DNMT3A: variants seen among roughly 807,000 people sequenced by gnomAD.
The protein encoded by DNMT3A is DNA (cytosine-5)-methyltransferase 3A.
DNMT3A carries 267 observed loss-of-function variants against 117.6 expected under a neutral mutation model. The observed-to-expected ratio is 2.27, with a 90% CI of 2.05 to 2.51. The LOEUF (loss-of-function observed/expected upper bound fraction) is 2.51, where lower values mean the gene tolerates loss of function less well. Among genes scored for constraint, DNMT3A ranks in the 30% most tolerant of loss-of-function variants. The pLI is 0.00. For missense variants in DNMT3A, 1,029 were observed against 1,260.2 expected (o/e 0.82, Z 2.78); for synonymous variants, 432 against 474.8 (o/e 0.91, Z 1.17).
chr2:25,273,685 T>C (rs1185344618), intron 6 of DNMT3A, among the ~76,000 whole-genome samples: 2 of 152,214 alleles, frequency 1.3e-5, no homozygotes, highest in South Asian at 2.1e-4. Flanking sequence ...CCTCTCTGCA[T>C]GGCTGAAGCC....
chr2:25,276,674 T>C (rs1270773529), intron 4 of DNMT3A, among the ~76,000 whole-genome samples: 1 of 152,162 alleles, frequency 6.6e-6, no homozygotes, highest in Non-Finnish European at 1.5e-5. Flanking sequence ...CTGCCTCCCA[T>C]AGCTTCTTGC....
In DNMT3A at chr2:25,260,473, T is replaced by G. The variant is rs182396248; in HGVS notation, c.640-12221A>C. 8.0e-5 allele frequency among the ~76,000 whole-genome samples: 12 copies of G among 149,616 alleles called. No homozygotes were observed. In the South Asian group the frequency reaches 8.4e-4, roughly 11 times the overall value. ...TATAAGCAAGCTCACTCAATTTTTG[T>G]TTTTTTTTGCCCCACAAAGCTGCCT... On this transcript the variant is annotated intron_variant, in intron 6 of 22. Transcript: ENST00000321117.
intron 6 of DNMT3A, among the ~76,000 whole-genome samples, chr2:25,269,311 A>G (rs764316756): frequency 6.6e-6 from 1 of 152,248 alleles, no homozygotes; most frequent in South Asian, 2.1e-4. Flanking sequence ...CCTGGGAGAC[A>G]GAGTGAAACT....
Position 25,234,468 on chromosome 2 carries a change from G to A in DNMT3A, c.2598-48C>T. 4.4e-6 allele frequency: 7 copies of A among 1,574,852 alleles called. No individual in the cohort carries two copies. Among genetic ancestry groups the A allele is most frequent in the Non-Finnish European group, 6.1e-6 (7 of 1,155,818 alleles). ...GGCAGGGTGAGTGCTGGCCAGACCAGGCTGCCCGGAAGCCGTCTAACCACA... is the reference window on the plus strand; with the variant it reads ...GGCAGGGTGAGTGCTGGCCAGACCAAGCTGCCCGGAAGCCGTCTAACCACA... On this transcript the variant is annotated intron_variant, in intron 22 of 22. Transcript: ENST00000321117. The surrounding 1 kb of genome is among the most constrained non-coding windows in gnomAD (Gnocchi z 4.5).
Position 25,241,688 on chromosome 2 carries a change from G to A in DNMT3A, c.1956C>T (p.Asp652=), listed in dbSNP as rs755435014. Residue 652 remains aspartate, a synonymous_variant, in exon 17 of 23, where the codon GAC becomes GAT. Transcript: ENST00000321117. ...GIATGLLVLK[D]LGIQVDRYIA... is the part of the protein sequence containing the mutation. The stretch of plus-strand genomic sequence containing the variant: ...TGTAGCGGTCCACCTGAATGCCCAA[G>A]TCCTTCAGCACCAGGAGCCCTGCAC... 5 of 1,613,910 alleles carry A rather than the reference G, an allele frequency of 3.1e-6. No individual in the cohort carries two copies. In the Admixed American group the frequency reaches 8.3e-5, roughly 27 times the overall value.
chr2:25,239,285 G>T, intron 19 of DNMT3A, 70 bp from the exon 20 acceptor site: 2 of 1,431,200 alleles, frequency 1.4e-6, no homozygotes, highest in Non-Finnish European at 9.7e-7. Context: ...TGCTGCTGGG[G>T]TCGAGCCTTA....
intron 1 of DNMT3A, among the ~76,000 whole-genome samples, chr2:25,328,480 G>A (rs914969739): frequency 2.0e-5 from 3 of 151,838 alleles, no homozygotes; most frequent in Non-Finnish European, 4.4e-5. Flanking sequence ...CCTTCTCCTC[G>A]ACCACCCACC....
At chr2:25,273,852 C>T (rs2149363508) in intron 6 of DNMT3A, among the ~76,000 whole-genome samples, 1 of 152,324 alleles carries the variant, frequency 6.6e-6, no homozygotes, top group Non-Finnish European at 1.5e-5. Flanking sequence ...CGTGCTTCCC[C>T]AGACACCGCT....
chr2:25,252,542 G>T lies in DNMT3A; in HGVS notation c.640-4290C>A, dbSNP rs1407666886. ...CCGCCCGTTCCCAGGGCCCGCCCAG[G>T]CCGGGCTGCAGGGAGCGCCCCGCCT... On this transcript the variant is annotated intron_variant, in intron 6 of 22. Transcript: ENST00000321117. This position sits in a 1 kb window ranked among gnomAD's most constrained non-coding sequence, Gnocchi z 5.5. Among the ~76,000 whole-genome samples the T allele has an allele frequency of 6.6e-6, 1 of 151,780 alleles. No homozygotes were observed. Among genetic ancestry groups the T allele is most frequent in the Non-Finnish European group, 1.5e-5 (1 of 67,874 alleles).
Position 25,246,054 on chromosome 2 carries a change from C to CA in DNMT3A, c.1439dup (p.Tyr481ValfsTer11). The stretch of plus-strand genomic sequence containing the variant: ...TCCGGCACTTCTGCCGCACCTCGTA[C>CA]ACCAGCCGCTCTGCAAGGGGAGGAG... On this transcript the variant is annotated frameshift_variant, in exon 12 of 23. Transcript: ENST00000321117. LOFTEE classifies it high-confidence loss of function. 1 of 1,614,180 alleles carries CA rather than the reference C, an allele frequency of 6.2e-7. No individual in the cohort carries two copies. The highest frequency in any genetic ancestry group is 8.5e-7 in the Non-Finnish European group (1 of 1,180,002).
chr2:25,300,665 TTATTTAGATATA>T (rs1393585316), intron 2 of DNMT3A, among the ~76,000 whole-genome samples: 542 of 15,370 alleles, frequency 0.035, 16 homozygotes, highest in African/African-American at 0.095. Context: ...AAATAATATA[TTATTTAGATATA>T]TATTTAGATA....
Position 25,294,110 on chromosome 2 carries a change from G to A in DNMT3A, c.177+6029C>T, listed in dbSNP as rs565950636. On this transcript the variant is annotated intron_variant, in intron 3 of 22. Coordinates refer to ENST00000321117, the MANE Select transcript of DNMT3A (RefSeq NM_022552.5). The surrounding 1 kb of genome is among the most constrained non-coding windows in gnomAD (Gnocchi z 4.7). Reference sequence around the variant, plus strand: ...CTCCACACCCAGCTCAGCTGGGGTCGGGGGTGCCTCTCACTTTCCCCTTGA... The same window carrying A: ...CTCCACACCCAGCTCAGCTGGGGTCAGGGGTGCCTCTCACTTTCCCCTTGA... Among the ~76,000 whole-genome samples the A allele has an allele frequency of 2.0e-5, 3 of 152,250 alleles. No individual in the cohort carries two copies. Among genetic ancestry groups the A allele is most frequent in the African/African-American group, 7.2e-5 (3 of 41,548 alleles).
At position 25,339,033 on chromosome 2, in the gene DNMT3A, G is replaced by A. The variant is rs1420212233; in HGVS notation, c.-178+2793C>T. On this transcript the variant is annotated intron_variant, in intron 1 of 22. Transcript: ENST00000321117. The surrounding 1 kb of genome is among the most constrained non-coding windows in gnomAD (Gnocchi z 4.9). ...CTGCAGAGTCGGACGTGACCAACCC[G>A]TCTCTTGCAGGGACCCTCCTCACAC... 1.3e-5 allele frequency among the ~76,000 whole-genome samples: 2 copies of A among 152,024 alleles called. No homozygotes were observed. Among genetic ancestry groups the A allele is most frequent in the African/African-American group, 4.8e-5 (2 of 41,364 alleles).
chr2:25,236,970 A>T lies in DNMT3A; in HGVS notation c.2444T>A (p.Leu815Gln). Residue 815 changes from leucine (L) to glutamine (Q), a missense_variant, in exon 21 of 23, where the codon CTG (leucine) becomes CAG (glutamine). Physicochemically the swap from Leu to Gln is moderately radical, Grantham distance 113. Coordinates refer to ENST00000321117, the MANE Select transcript of DNMT3A (RefSeq NM_022552.5). This position sits in a 1 kb window ranked among gnomAD's most constrained non-coding sequence, Gnocchi z 4.5. ...CCTGCCATGCTCCAGACACTCCTGCAGCTCCAGCTTATCATTCACAGTGGA... is the reference window on the plus strand; with the variant it reads ...CCTGCCATGCTCCAGACACTCCTGCTGCTCCAGCTTATCATTCACAGTGGA... ...LASTVNDKLE[L>Q]QECLEHGRIA... The T allele has an allele frequency of 6.2e-7, 1 of 1,613,724 alleles. No individual in the cohort carries two copies. The highest frequency in any genetic ancestry group is 8.5e-7 in the Non-Finnish European group (1 of 1,179,902).
intron 19 of DNMT3A, 38 bp downstream of exon 19, chr2:25,240,264 C>T: frequency 6.2e-7 from 1 of 1,613,494 alleles, no homozygotes; most frequent in Non-Finnish European, 8.5e-7. Context: ...AGGTAGAAGC[C>T]ATTAGTGAGC....
At chr2:25,242,954 C>T (rs949081399) in intron 16 of DNMT3A, among the ~76,000 whole-genome samples, 1 of 152,064 alleles carries the variant, frequency 6.6e-6, no homozygotes, top group African/African-American at 2.4e-5. Context: ...AATAGGGGTT[C>T]GTTAAATAAA....
In DNMT3A at chr2:25,234,155, C is replaced by T. The variant is rs1673052679; in HGVS notation, c.*124G>A. The T allele has an allele frequency of 2.8e-6, 4 of 1,414,566 alleles. No individual in the cohort carries two copies. The highest frequency in any genetic ancestry group is 3.7e-6 in the Non-Finnish European group (4 of 1,072,764). 87.6% of individuals were successfully genotyped at this position (1,414,566 alleles called of 1,614,324 possible). A position where few individuals can be genotyped will look rare whatever the true frequency, so the allele number is the denominator to read the frequency against. ...GCCTCTGTGGTTTTTGTTTTAAATT[C>T]CTTTTTCTCTTCTGGGTGCTGATAC... On this transcript the variant is annotated 3_prime_UTR_variant, in exon 23 of 23. Transcript: ENST00000321117. The surrounding 1 kb of genome is among the most constrained non-coding windows in gnomAD (Gnocchi z 4.5).
intron 6 of DNMT3A, among the ~76,000 whole-genome samples, chr2:25,253,862 A>G (rs989917625): frequency 6.6e-6 from 1 of 152,168 alleles, no homozygotes; most frequent in African/African-American, 2.4e-5. Context: ...TCATGAGGTC[A>G]GGAGTTTGAG....
At chr2:25,258,350 G>C (rs1478336524) in intron 6 of DNMT3A, among the ~76,000 whole-genome samples, 2 of 152,216 alleles carry the variant, frequency 1.3e-5, no homozygotes, top group Non-Finnish European at 1.5e-5. Context: ...CTGTCGGGCA[G>C]GGGCACCCCC....
Sources: gnomAD v4.1 joint callset for allele counts (sites outside exome capture counted in the v4.1 genomes callset) on GRCh38, gnomAD v4.1.1 for gene constraint, Gnocchi (gnomAD v3.1) non-coding constraint, MANE v1.5 for transcripts, NCBI Gene and HGNC (gene_info 2026-07-23, HGNC 2026-07-21) for gene names.